The following YLPM1 variants were observed in gnomAD, a reference collection of about 807,000 sequenced individuals.
YLPM1 encodes YLP motif-containing protein 1.
In YLPM1, 99 loss-of-function variants were observed where a neutral mutation model predicts 230.0. That is an observed-to-expected ratio of 0.43 (90% CI 0.37 to 0.51). YLPM1 has a LOEUF of 0.51. YLPM1 is among the 20% of genes least tolerant of loss of function. The pLI is 0.00. For missense variants in YLPM1, 2,592 were observed against 2,707.7 expected, an observed-to-expected ratio of 0.96 and a Z score of 0.95; for synonymous variants, 984 against 942.5, an observed-to-expected ratio of 1.04 and a Z score of -0.81.
intron 13 of YLPM1, 38 bp from the exon 14 acceptor site, chr14:74,816,893 G>A: frequency 1.3e-6 from 2 of 1,523,832 alleles, no homozygotes; most frequent in Non-Finnish European, 1.8e-6. Context: ...ATGATTCTTT[G>A]CTTTTGCTAA....
chr14:74,776,290 C>T (rs2091037476), intron 1 of YLPM1, among the ~76,000 whole-genome samples: 1 of 152,182 alleles, frequency 6.6e-6, no homozygotes, highest in African/African-American at 2.4e-5. Context: ...GGGTTAGGTT[C>T]CTGTGAGTCT....
intron 2 of YLPM1, among the ~76,000 whole-genome samples, chr14:74,780,182 T>G (rs564433900): frequency 6.6e-6 from 1 of 152,308 alleles, no homozygotes; most frequent in African/African-American, 2.4e-5. Flanking sequence ...ACTATGGAAT[T>G]TATAAACTCC....
intron 19 of YLPM1, among the ~76,000 whole-genome samples, chr14:74,834,608 A>G (rs1372242822): frequency 2.0e-5 from 3 of 152,228 alleles, no homozygotes; most frequent in African/African-American, 7.2e-5. Flanking sequence ...GGGAAGGATG[A>G]CTAGACTCAT....
chr14:74,809,568 A>G lies in YLPM1; in HGVS notation c.4710A>G (p.Glu1570=). The change falls in exon 7 of 21, where the codon GAA becomes GAG. Residue 1570 remains glutamate (E), a synonymous_variant. Coordinates refer to ENST00000325680, the MANE Select transcript of YLPM1 (RefSeq NM_019589.3). Reference sequence around the variant, plus strand: ...TAAAGCCACAAACTTCAGCTGTAGAACAGGAACGATGGGATGAAGATTCTT... The same window carrying G: ...TAAAGCCACAAACTTCAGCTGTAGAGCAGGAACGATGGGATGAAGATTCTT... ...PVIKPQTSAV[E]QERWDEDSFY... The G allele has an allele frequency of 6.2e-7, 1 of 1,609,774 alleles. No individual in the cohort carries two copies. Among genetic ancestry groups the G allele is most frequent in the Non-Finnish European group, 8.5e-7 (1 of 1,177,748 alleles).
intron 1 of YLPM1, among the ~76,000 whole-genome samples, chr14:74,768,601 T>C (rs1263537938): frequency 6.6e-6 from 1 of 152,220 alleles, no homozygotes. Context: ...GACTGATTTA[T>C]TTAGTTAAAG....
Position 74,809,435 on chromosome 14 carries a change from T to C in YLPM1, c.4577T>C (p.Val1526Ala). The C allele has an allele frequency of 6.2e-7, 1 of 1,606,326 alleles. No homozygotes were observed. Among genetic ancestry groups the C allele is most frequent in the Non-Finnish European group, 8.5e-7 (1 of 1,175,914 alleles). Residue 1526 changes from valine (V) to alanine (A), a missense_variant, in exon 7 of 21, where the codon GTA (valine) becomes GCA (alanine). Coordinates refer to ENST00000325680, the MANE Select transcript of YLPM1 (RefSeq NM_019589.3). ...ATGGGCAAACCACCAGGTTCAATTG[T>C]AAGACCCTCTGCTCCACCAGCAAGA... ...PPMGKPPGSI[V>A]RPSAPPARSS...
chr14:74,789,248 C>T (rs763472951), intron 4 of YLPM1, among the ~76,000 whole-genome samples: 9 of 152,106 alleles, frequency 5.9e-5, no homozygotes, highest in Non-Finnish European at 1.2e-4. Flanking sequence ...TTTCTTGAGA[C>T]GGAGTCTCAG....
chr14:74,816,137 T>G, intron 11 of YLPM1, 66 bp from the exon 12 acceptor site: 1 of 1,452,170 alleles, frequency 6.9e-7, no homozygotes, highest in Non-Finnish European at 9.4e-7. Flanking sequence ...CATTGTTAAC[T>G]GTTATCTCAT....
chr14:74,780,218 A>G (rs772484500), intron 2 of YLPM1, among the ~76,000 whole-genome samples, 187 bp from the exon 3 acceptor site: 2 of 152,222 alleles, frequency 1.3e-5, no homozygotes, highest in African/African-American at 2.4e-5. Context: ...ATAATAGTAT[A>G]GATAGAGCTA....
chr14:74,814,873 T>A (rs2884668), intron 11 of YLPM1, among the ~76,000 whole-genome samples: 72,738 of 152,024 alleles, frequency 0.48, 17,804 homozygotes, highest in Non-Finnish European at 0.54. Context: ...TGTAGTTTTT[T>A]AAAATTATTG....
At chr14:74,805,961 C>G (rs560291692) in intron 6 of YLPM1, among the ~76,000 whole-genome samples, 1 of 151,206 alleles carries the variant, frequency 6.6e-6, no homozygotes, top group Admixed American at 6.6e-5. Flanking sequence ...CTGCCTCAGC[C>G]TCCCAAAGTG....
intron 2 of YLPM1, among the ~76,000 whole-genome samples, chr14:74,779,960 T>G (rs889567966): frequency 6.6e-6 from 1 of 152,068 alleles, no homozygotes; most frequent in African/African-American, 2.4e-5. Flanking sequence ...CCTGCCACCA[T>G]GCCTGGCTAA....
intron 1 of YLPM1, among the ~76,000 whole-genome samples, chr14:74,770,532 G>C (rs1447159453): frequency 6.6e-6 from 1 of 151,758 alleles, no homozygotes; most frequent in Non-Finnish European, 1.5e-5. Flanking sequence ...GGCTGAGGTG[G>C]GAGGATCACT....
intron 5 of YLPM1, among the ~76,000 whole-genome samples, chr14:74,802,152 A>C (rs1429977363): frequency 6.7e-6 from 1 of 149,626 alleles, no homozygotes; most frequent in Non-Finnish European, 1.5e-5. Context: ...CGGGAGGCAG[A>C]GGTTGTAGTG....
intron 1 of YLPM1, among the ~76,000 whole-genome samples, chr14:74,774,313 A>G (rs1188008484): frequency 2.6e-5 from 4 of 152,012 alleles, no homozygotes; most frequent in Admixed American, 1.3e-4. Flanking sequence ...GCTCACTGCA[A>G]CCTCCACCTC....
At chr14:74,808,605 C>T (rs1188996754) in intron 6 of YLPM1, among the ~76,000 whole-genome samples, 3 of 151,906 alleles carry the variant, frequency 2.0e-5, no homozygotes, top group Non-Finnish European at 4.4e-5. Context: ...GAGTTCGAGA[C>T]CAGCCTGACC....
intron 2 of YLPM1, among the ~76,000 whole-genome samples, chr14:74,778,897 A>G (rs1016208128): frequency 6.6e-6 from 1 of 151,642 alleles, no homozygotes; most frequent in Admixed American, 6.6e-5. Context: ...CTGGAGTGCA[A>G]TGGTGCGATC....
chr14:74,765,313 A>G (rs2090901473), intron 1 of YLPM1, among the ~76,000 whole-genome samples: 1 of 152,208 alleles, frequency 6.6e-6, no homozygotes, highest in East Asian at 1.9e-4. Context: ...GAAAAAAGAG[A>G]ATCTTGTAAT....
chr14:74,812,146 G>A (rs1204954133), intron 10 of YLPM1, among the ~76,000 whole-genome samples: 1 of 152,102 alleles, frequency 6.6e-6, no homozygotes, highest in Non-Finnish European at 1.5e-5. Context: ...TCCATTGAGT[G>A]GATAAAATAT....
Sources: allele counts gnomAD v4.1 joint callset (sites outside exome capture counted in the v4.1 genomes callset), GRCh38; gene constraint gnomAD v4.1.1; transcripts MANE v1.5; gene names NCBI Gene and HGNC (gene_info 2026-07-23, HGNC 2026-07-21).